The following NBAS variants were observed in gnomAD, a reference collection of about 807,000 sequenced individuals.
NBAS encodes the protein NAG/BC035112 fusion.
A neutral mutation model predicts 302.5 loss-of-function variants in NBAS; 219 were observed. That is an observed-to-expected ratio of 0.72 (90% confidence interval 0.65 to 0.81). The LOEUF (loss-of-function observed/expected upper bound fraction) is 0.81. Among genes scored for constraint, NBAS ranks in the 30% least tolerant of loss-of-function variants. The pLI is 0.00. For missense variants in NBAS, 2,932 were observed against 2,841.6 expected (o/e 1.03, Z -0.72); for synonymous variants, 1,118 against 1,021.6 (o/e 1.09, Z -1.80).
the NBAS span, among the ~76,000 whole-genome samples, chr2:14,796,903 T>C: frequency 1.6e-5 from 2 of 125,268 alleles, no homozygotes; most frequent in South Asian, 5.1e-4. Context: ...TGAAACCCCG[T>C]CTCTCCTAAA....
At chr2:15,411,823 AG>A (rs552295849) in intron 25 of NBAS, among the ~76,000 whole-genome samples, 59 of 152,324 alleles carry the variant, frequency 3.9e-4, no homozygotes, top group Non-Finnish European at 7.9e-4. Context: ...GAAAATGCTA[AG>A]AAAAAATGCA....
At chr2:15,264,559 A>T (rs1668988971) in intron 44 of NBAS, among the ~76,000 whole-genome samples, 1 of 152,188 alleles carries the variant, frequency 6.6e-6, no homozygotes, top group South Asian at 2.1e-4. Flanking sequence ...CAGGCCAGTT[A>T]ATCACAATCA....
rs575775811 is a variant in NBAS, at chr2:15,318,791, C to T, written c.4582+8959G>A. Among the ~76,000 whole-genome samples, 3 of 152,032 alleles carry T rather than the reference C, an allele frequency of 2.0e-5. No individual in the cohort carries two copies. The South Asian group carries it at 6.2e-4, about 32-fold the overall frequency. ...TAAAAGAGACTTAGACTCCCACACA[C>T]TAATAATGGGAGACGTTAACACCCC... is the stretch of plus-strand genomic sequence containing the variant. On this transcript the variant is annotated intron_variant, in intron 38 of 51. Transcript: ENST00000281513.
the NBAS span, among the ~76,000 whole-genome samples, chr2:15,020,511 G>A: frequency 6.6e-6 from 1 of 152,286 alleles, no homozygotes; most frequent in Non-Finnish European, 1.5e-5. Context: ...GATCCTGAAT[G>A]GCTCAAGATC....
intron 32 of NBAS, among the ~76,000 whole-genome samples, chr2:15,358,273 T>C (rs764336996): frequency 6.6e-6 from 1 of 151,952 alleles, no homozygotes; most frequent in African/African-American, 2.4e-5. Context: ...CAACAAAAAA[T>C]CCCTACCGTT....
chr2:15,546,662 A>C (rs532676363), intron 6 of NBAS, among the ~76,000 whole-genome samples: 33 of 152,340 alleles, frequency 2.2e-4, no homozygotes, highest in African/African-American at 7.5e-4. Flanking sequence ...CGGGAGGTGG[A>C]GGTTGCAGTG....
chr2:14,791,343 G>T, the NBAS span, among the ~76,000 whole-genome samples: 1 of 152,272 alleles, frequency 6.6e-6, no homozygotes, highest in African/African-American at 2.4e-5. Flanking sequence ...GTATACAGTT[G>T]TCTAGGCAAA....
chr2:15,383,892 A>G (rs1407290878), intron 28 of NBAS, among the ~76,000 whole-genome samples: 4 of 152,196 alleles, frequency 2.6e-5, no homozygotes, highest in Non-Finnish European at 5.9e-5. Flanking sequence ...AGCAACTCAC[A>G]GAGCACTCCA....
chr2:15,237,770 T>C (rs923529377), intron 45 of NBAS, among the ~76,000 whole-genome samples: 28 of 141,926 alleles, frequency 2.0e-4, no homozygotes, highest in African/African-American at 5.5e-4. Context: ...CTAATGTTTG[T>C]ATTTTTTTTT....
At chr2:15,104,271 AGT>A in the NBAS span, among the ~76,000 whole-genome samples, 8 of 152,276 alleles carry the variant, frequency 5.3e-5, no homozygotes, top group South Asian at 1.7e-3. Flanking sequence ...TGGAACTGTG[AGT>A]CAATTAAGCC....
In NBAS at chr2:15,379,590, G is replaced by A. The variant is rs1674929430; in HGVS notation, c.3590+12C>T. On this transcript the variant is annotated intron_variant, in intron 30 of 51. Coordinates refer to ENST00000281513, the MANE Select transcript of NBAS (RefSeq NM_015909.4). ...CCCCTCCATCTTAGGGAAGAATATAGAGTTATTCTACCTGGCTAGATCCAT... is the reference window on the plus strand; with the variant it reads ...CCCCTCCATCTTAGGGAAGAATATAAAGTTATTCTACCTGGCTAGATCCAT... 1 of 1,606,556 alleles carries A rather than the reference G, an allele frequency of 6.2e-7. No homozygotes were observed. Among genetic ancestry groups the A allele is most frequent in the Non-Finnish European group, 8.5e-7 (1 of 1,173,550 alleles).
intron 26 of NBAS, among the ~76,000 whole-genome samples, chr2:15,401,796 G>T (rs1676163863): frequency 6.6e-6 from 1 of 152,064 alleles, no homozygotes; most frequent in Admixed American, 6.5e-5. Context: ...ATAATTCATA[G>T]AATAAATATA....
Position 15,396,348 on chromosome 2 carries a change from T to G in NBAS, c.3134+65A>C. On this transcript the variant is annotated intron_variant, in intron 27 of 51. Coordinates refer to ENST00000281513, the MANE Select transcript of NBAS (RefSeq NM_015909.4). ...CGATGACTCACAGGCAGACTTAATG[T>G]GACATTTCTTGGACAAATTCCCTTA... The G allele has an allele frequency of 3.0e-6, 4 of 1,320,122 alleles. 1 individual carries two copies. Among genetic ancestry groups the G allele is most frequent in the Middle Eastern group, 1.9e-4 (1 of 5,390 alleles). The allele number at this position is 1,320,122 out of a possible 1,614,324, so 81.8% of individuals were successfully genotyped here.
intron 25 of NBAS, among the ~76,000 whole-genome samples, chr2:15,403,559 T>C (rs903275996): frequency 6.6e-6 from 1 of 152,130 alleles, no homozygotes; most frequent in Admixed American, 6.5e-5. Context: ...CTACAGAAGA[T>C]TTAAAGTATA....
At chr2:15,473,414 T>G in intron 15 of NBAS, 67 bp from the exon 16 acceptor site, 1 of 1,581,246 alleles carries the variant, frequency 6.3e-7, no homozygotes, top group Non-Finnish European at 8.6e-7. Flanking sequence ...CTGATGATGA[T>G]ACAATGAATG....
chr2:15,496,762 C>T (rs774101418), intron 11 of NBAS, among the ~76,000 whole-genome samples: 29 of 152,128 alleles, frequency 1.9e-4, no homozygotes, highest in African/African-American at 2.7e-4. Context: ...TATTCTATTC[C>T]AGGCACTTTT....
At chr2:15,184,813 G>A (rs1664999484) in intron 50 of NBAS, among the ~76,000 whole-genome samples, 2 of 152,174 alleles carry the variant, frequency 1.3e-5, no homozygotes. Flanking sequence ...GGATGCAGTG[G>A]CCATGTCATA....
chr2:15,043,288 G>A, the NBAS span, among the ~76,000 whole-genome samples: 2 of 152,114 alleles, frequency 1.3e-5, no homozygotes, highest in Non-Finnish European at 2.9e-5. Flanking sequence ...TTGGACCCCT[G>A]CACGTTTAGC....
chr2:14,894,854 C>G, the NBAS span, among the ~76,000 whole-genome samples: 2 of 151,948 alleles, frequency 1.3e-5, no homozygotes, highest in African/African-American at 4.8e-5. Context: ...GTCAAGAGAT[C>G]GAGACCATAC....
Sources: allele counts gnomAD v4.1 joint callset (sites outside exome capture counted in the v4.1 genomes callset), GRCh38; gene constraint gnomAD v4.1.1; transcripts MANE v1.5; gene names NCBI Gene and HGNC (gene_info 2026-07-23, HGNC 2026-07-21).